SCN2A: variants seen among roughly 807,000 people sequenced by gnomAD.
SCN2A encodes sodium voltage-gated channel alpha subunit 2, also known as sodium channel protein type 2 subunit alpha.
In SCN2A, 20 loss-of-function variants were observed where a neutral mutation model predicts 188.7. The ratio of observed to expected loss-of-function variants is 0.11; its 90% CI spans 0.07 to 0.15. The LOEUF (loss-of-function observed/expected upper bound fraction) is 0.15, where lower values mean the gene tolerates loss of function less well. SCN2A is among the 10% of genes least tolerant of loss of function. The pLI is 1.00. For missense variants in SCN2A, 1,278 were observed against 2,445.0 expected (o/e 0.52, Z 10.07); for synonymous variants, 804 against 833.1 (o/e 0.97, Z 0.60).
In SCN2A at chr2:165,288,572, C is replaced by T. The variant is rs117997237; in HGVS notation, c.-51-7201C>T. Among the ~76,000 whole-genome samples the T allele has an allele frequency of 1.9e-4, 29 of 150,554 alleles. No homozygotes were observed. The East Asian group carries it at 5.6e-3, about 29-fold the overall frequency. On this transcript the variant is annotated intron_variant, in intron 1 of 26. Transcript: ENST00000375437. Reference sequence around the variant, plus strand: ...AAAAACAGCTTTTCTCACCAGTAAACACTGAACGTGAGTTCTTCATATTCT... The same window carrying T: ...AAAAACAGCTTTTCTCACCAGTAAATACTGAACGTGAGTTCTTCATATTCT...
chr2:165,292,415 T>C (rs1442981119), intron 1 of SCN2A, among the ~76,000 whole-genome samples: 1 of 152,132 alleles, frequency 6.6e-6, no homozygotes, highest in Non-Finnish European at 1.5e-5. Context: ...AGGGCACGAT[T>C]GAACCCACCA....
At chr2:165,280,281 C>T (rs764118925) in intron 1 of SCN2A, among the ~76,000 whole-genome samples, 3 of 152,162 alleles carry the variant, frequency 2.0e-5, no homozygotes, top group Non-Finnish European at 4.4e-5. Context: ...TATCTATGTA[C>T]TCAATCCCTA....
At position 165,341,858 on chromosome 2, in the gene SCN2A, T is replaced by C. The variant is rs1574635467; in HGVS notation, c.2389-438T>C. ...TTCTTACTATCTGTAGAGCTAGCCGTGAGCATGTTTATTACAGCTTACATG... is the reference window on the plus strand; with the variant it reads ...TTCTTACTATCTGTAGAGCTAGCCGCGAGCATGTTTATTACAGCTTACATG... On this transcript the variant is annotated intron_variant, in intron 14 of 26. Coordinates refer to ENST00000375437, the MANE Select transcript of SCN2A (RefSeq NM_001040142.2). Among the ~76,000 whole-genome samples, 3 of 152,320 alleles carry C rather than the reference T, an allele frequency of 2.0e-5. No individual in the cohort carries two copies. The South Asian group carries it at 6.2e-4, about 32-fold the overall frequency.
At chr2:165,319,693 G>T (rs1180126659) in intron 11 of SCN2A, among the ~76,000 whole-genome samples, 2 of 152,160 alleles carry the variant, frequency 1.3e-5, no homozygotes, top group South Asian at 2.1e-4. Flanking sequence ...TGAAAGCCAA[G>T]CAAAAGAAGT....
intron 1 of SCN2A, among the ~76,000 whole-genome samples, chr2:165,248,491 C>T (rs1693951581): frequency 6.6e-6 from 1 of 152,122 alleles, no homozygotes; most frequent in African/African-American, 2.4e-5. Flanking sequence ...GCTCAAATGT[C>T]GTTTCTAAAT....
intron 1 of SCN2A, among the ~76,000 whole-genome samples, chr2:165,258,451 G>C (rs1694426323): frequency 6.6e-6 from 1 of 152,148 alleles, no homozygotes; most frequent in Non-Finnish European, 1.5e-5. Flanking sequence ...TGGAGAGATT[G>C]CAGAGAAAAG....
chr2:165,300,066 G>C (rs1696721985), intron 3 of SCN2A, among the ~76,000 whole-genome samples: 1 of 152,062 alleles, frequency 6.6e-6, no homozygotes, highest in Non-Finnish European at 1.5e-5. Flanking sequence ...AAATTCTTTT[G>C]ATGTGCCTAG....
chr2:165,341,674 G>C (rs16850430), intron 14 of SCN2A, among the ~76,000 whole-genome samples: 31,500 of 152,140 alleles, frequency 0.21, 3,976 homozygotes, highest in East Asian at 0.34. Flanking sequence ...CCTCTAAGAC[G>C]CTGAAGTACT....
intron 14 of SCN2A, among the ~76,000 whole-genome samples, chr2:165,341,785 G>A (rs1699334962): frequency 1.3e-5 from 2 of 152,164 alleles, no homozygotes; most frequent in African/African-American, 4.8e-5. Flanking sequence ...AATGGAGAAA[G>A]GAAAATACTG....
intron 14 of SCN2A, among the ~76,000 whole-genome samples, chr2:165,334,114 C>T (rs981772917): frequency 6.6e-6 from 1 of 150,724 alleles, no homozygotes; most frequent in Non-Finnish European, 1.5e-5. Context: ...ACATTGAATT[C>T]ACAATTAAAA....
chr2:165,353,537 A>T (rs1201686276), intron 16 of SCN2A, among the ~76,000 whole-genome samples: 1 of 152,156 alleles, frequency 6.6e-6, no homozygotes, highest in Non-Finnish European at 1.5e-5. Context: ...TAAAGAAAAG[A>T]GATTTAATTA....
At chr2:165,335,028 A>G (rs1291417352) in intron 14 of SCN2A, among the ~76,000 whole-genome samples, 1 of 151,688 alleles carries the variant, frequency 6.6e-6, no homozygotes, top group East Asian at 1.9e-4. Flanking sequence ...AAATAATAAA[A>G]TACTTAGGAA....
rs1009944239 is a variant in SCN2A at position 165,257,524 on chromosome 2, T to TTTGTTG, written c.-52+17893_-52+17898dup. Among the ~76,000 whole-genome samples, 4 of 152,038 alleles carry TTTGTTG rather than the reference T, an allele frequency of 2.6e-5. No homozygotes were observed. In the East Asian group the frequency reaches 7.7e-4, roughly 29 times the overall value. On this transcript the variant is annotated intron_variant, in intron 1 of 26. Coordinates refer to ENST00000375437, the MANE Select transcript of SCN2A (RefSeq NM_001040142.2). ...GTTTCTGTGTTTTGTTGTTGTTGTTTTTGTTGTTGTTGTTCTTGTTGTTGT... is the reference window on the plus strand; with the variant it reads ...GTTTCTGTGTTTTGTTGTTGTTGTTTTTGTTGTTGTTGTTGTTGTTCTTGTTGTTGT...
At chr2:165,283,512 C>T (rs1695676827) in intron 1 of SCN2A, among the ~76,000 whole-genome samples, 1 of 152,160 alleles carries the variant, frequency 6.6e-6, no homozygotes, top group Non-Finnish European at 1.5e-5. Context: ...CATTATGGTG[C>T]ATGTGAAGGT....
chr2:165,313,849 A>T, intron 9 of SCN2A, 53 bp from the exon 10 acceptor site: 2 of 1,611,554 alleles, frequency 1.2e-6, no homozygotes, highest in Non-Finnish European at 1.7e-6. Context: ...CTTAGAGTGT[A>T]AGTTTGTAAC....
intron 17 of SCN2A, among the ~76,000 whole-genome samples, chr2:165,360,928 T>C (rs1700430359): frequency 6.6e-6 from 1 of 151,980 alleles, no homozygotes; most frequent in African/African-American, 2.4e-5. Flanking sequence ...GCATGAGTTG[T>C]AACAGTTTCA....
At chr2:165,293,580 C>T (rs10175246) in intron 1 of SCN2A, among the ~76,000 whole-genome samples, 1 of 152,100 alleles carries the variant, frequency 6.6e-6, no homozygotes, top group South Asian at 2.1e-4. Context: ...GTATTATAAT[C>T]TTATGCGACC....
At chr2:165,320,974 C>G (rs182414075) in intron 11 of SCN2A, among the ~76,000 whole-genome samples, 2 of 152,258 alleles carry the variant, frequency 1.3e-5, no homozygotes, top group East Asian at 3.9e-4. Context: ...ATGGGATTTT[C>G]TTTTCTGTCA....
At position 165,370,185 on chromosome 2, in the gene SCN2A, T is replaced by C. The variant is rs527970192; in HGVS notation, c.3735T>C (p.Ala1245=). ...CCATTAAGACCATGTTAGAATATGC[T>C]GACAAGGTTTTCACTTACATATTCA... ...RKTIKTMLEY[A]DKVFTYIFIL... Residue 1245 remains alanine (A), a synonymous_variant, in exon 20 of 27, where the codon GCT becomes GCC. Coordinates refer to ENST00000375437, the MANE Select transcript of SCN2A (RefSeq NM_001040142.2). The C allele has an allele frequency of 5.7e-5, 92 of 1,614,152 alleles. No individual in the cohort carries two copies. The South Asian group carries it at 9.7e-4, about 17-fold the overall frequency.
Sources: allele counts gnomAD v4.1 joint callset (sites outside exome capture counted in the v4.1 genomes callset), GRCh38; gene constraint gnomAD v4.1.1; transcripts MANE v1.5; gene names NCBI Gene and HGNC (gene_info 2026-07-23, HGNC 2026-07-21).